The following EML6 variants were observed in gnomAD, a reference collection of about 807,000 sequenced individuals.
The protein encoded by EML6 is EMAP like 6, also known as echinoderm microtubule-associated protein-like 6.
A neutral mutation model predicts 240.1 loss-of-function variants in EML6; 154 were observed. That is an observed-to-expected ratio of 0.64 (90% CI 0.56 to 0.73). The LOEUF is 0.73. EML6 is among the 30% of genes least tolerant of loss of function. The pLI is 0.00. For synonymous variants in EML6, 1,148 were observed against 899.0 expected (o/e 1.28, Z -4.95); for missense variants, 2,964 against 2,474.6 (o/e 1.20, Z -4.20).
At chr2:54,917,346 C>CTT (rs1299363399) in intron 26 of EML6, among the ~76,000 whole-genome samples, 3 of 137,726 alleles carry the variant, frequency 2.2e-5, no homozygotes, top group Admixed American at 7.4e-5. Context: ...CTCTTCTTCC[C>CTT]TTTTTTTTTT....
At chr2:54,947,336 C>T (rs556440253) in intron 28 of EML6, among the ~76,000 whole-genome samples, 8 of 152,202 alleles carry the variant, frequency 5.3e-5, no homozygotes, top group East Asian at 3.9e-4. Context: ...AATTTGGTGG[C>T]GATGATGTCA....
At chr2:54,837,279 A>C (rs747003253) in intron 7 of EML6, among the ~76,000 whole-genome samples, 5 of 152,180 alleles carry the variant, frequency 3.3e-5, no homozygotes, top group African/African-American at 4.8e-5. Flanking sequence ...TCCACACTTG[A>C]ACTGCCTGAA....
At chr2:54,968,348 A>T in intron 40 of EML6, 67 bp downstream of exon 40, 1 of 1,430,770 alleles carries the variant, frequency 7.0e-7, no homozygotes. Flanking sequence ...GATAGGGGCC[A>T]CGTCTAGATG....
At chr2:54,808,040 C>T (rs1324503222) in intron 2 of EML6, among the ~76,000 whole-genome samples, 2 of 152,214 alleles carry the variant, frequency 1.3e-5, no homozygotes, top group African/African-American at 4.8e-5. Context: ...TAGGGACCCC[C>T]CCTGCTTAAC....
chr2:54,875,395 C>G (rs564180319), intron 16 of EML6, among the ~76,000 whole-genome samples: 4 of 152,218 alleles, frequency 2.6e-5, no homozygotes, highest in South Asian at 2.1e-4. Flanking sequence ...TCAACAGTTA[C>G]GATTTAGCTA....
At chr2:54,841,718 G>A (rs1055405917) in intron 7 of EML6, among the ~76,000 whole-genome samples, 1 of 149,830 alleles carries the variant, frequency 6.7e-6, no homozygotes, top group Non-Finnish European at 1.5e-5. Flanking sequence ...TCAGCCACCC[G>A]GGTAGCTGGG....
In EML6 at chr2:54,903,405, T is replaced by G. The variant is rs1445886649; in HGVS notation, c.3312T>G (p.Asp1104Glu). The G allele has an allele frequency of 6.4e-7, 1 of 1,551,730 alleles. No individual in the cohort carries two copies. The highest frequency in any genetic ancestry group is 1.4e-5 in the African/African-American group (1 of 73,070). Reference protein sequence around the residue: ...TGKYLAVASHDNFVDIYNVLT... With the variant: ...TGKYLAVASHENFVDIYNVLT... ...AATACCTTGCCGTGGCATCCCATGA[T>G]AACTTTGTGGATATTTACAACGTAC... The change falls in exon 24 of 42, where the codon GAT becomes GAG. Residue 1104 changes from aspartate (D) to glutamate (E), a missense_variant. Coordinates refer to ENST00000356458, the MANE Select transcript of EML6 (RefSeq NM_001039753.4).
chr2:54,903,257 A>G lies in EML6; in HGVS notation c.3277+61A>G, dbSNP rs988531146. The stretch of plus-strand genomic sequence containing the variant: ...AGTCTTGGGACAAAAAATTACAAGA[A>G]TGAACTATTTCAAATGTTTCTTTGA... On this transcript the variant is annotated intron_variant, in intron 23 of 41. Transcript: ENST00000356458. 17 of 1,524,394 alleles carry G rather than the reference A, an allele frequency of 1.1e-5. No individual in the cohort carries two copies. The Admixed American group carries it at 1.6e-4, about 15-fold the overall frequency. The allele number at this position is 1,524,394 out of a possible 1,614,324, so 94.4% of individuals were successfully genotyped here.
chr2:54,794,030 GA>G lies in EML6; in HGVS notation c.198-19201del, dbSNP rs895234846. Among the ~76,000 whole-genome samples the G allele has an allele frequency of 5.1e-4, 77 of 152,298 alleles. 1 individual carries two copies. Among genetic ancestry groups the G allele is most frequent in the African/African-American group, 1.8e-3 (73 of 41,556 alleles). ...ACCTCATCTAATAAACATGAAAACT[GA>G]CCCTTAATAAGCATTTTCCACTTTG... On this transcript the variant is annotated intron_variant, in intron 2 of 41. Transcript: ENST00000356458.
intron 2 of EML6, among the ~76,000 whole-genome samples, chr2:54,794,106 C>A (rs1440574260): frequency 6.6e-6 from 1 of 151,316 alleles, no homozygotes; most frequent in African/African-American, 2.5e-5. Context: ...TAAATCTTAT[C>A]CCAGTGAAGT....
At chr2:54,966,936 C>A in intron 38 of EML6, 64 bp from the exon 39 acceptor site, 2 of 1,083,116 alleles carry the variant, frequency 1.8e-6, no homozygotes, top group Non-Finnish European at 2.7e-6. Flanking sequence ...GGAAACTGTG[C>A]CCAAAGGGAG....
intron 2 of EML6, among the ~76,000 whole-genome samples, chr2:54,755,600 A>G (rs1273585857): frequency 1.3e-5 from 2 of 152,126 alleles, no homozygotes; most frequent in Non-Finnish European, 2.9e-5. Flanking sequence ...TTTTGATGCT[A>G]TTGCAGATGG....
rs1674664266 is a variant in EML6 at position 54,928,293 on chromosome 2, A to G, written c.3676-20A>G. The G allele has an allele frequency of 1.9e-6, 3 of 1,545,950 alleles. No homozygotes were observed. The highest frequency in any genetic ancestry group is 1.8e-6 in the Non-Finnish European group (2 of 1,141,950). ...AGGAATAACAGTGGCTGGGGTAATAACCAATTTCGGGCTTTACAGGGACAG... is the reference window on the plus strand; with the variant it reads ...AGGAATAACAGTGGCTGGGGTAATAGCCAATTTCGGGCTTTACAGGGACAG... On this transcript the variant is annotated intron_variant, in intron 26 of 41. Coordinates refer to ENST00000356458, the MANE Select transcript of EML6 (RefSeq NM_001039753.4).
chr2:54,937,319 G>A (rs545017311), intron 28 of EML6, among the ~76,000 whole-genome samples: 5 of 151,242 alleles, frequency 3.3e-5, no homozygotes, highest in Non-Finnish European at 7.4e-5. Flanking sequence ...GCATGGTGGG[G>A]CAAGCCGGTT....
chr2:54,904,930 TG>T (rs1165087011), intron 24 of EML6, among the ~76,000 whole-genome samples: 4 of 152,240 alleles, frequency 2.6e-5, no homozygotes, highest in African/African-American at 7.2e-5. Flanking sequence ...TAACTATACT[TG>T]CCACACTGGA....
At chr2:54,830,987 C>T (rs1668841224) in intron 7 of EML6, among the ~76,000 whole-genome samples, 1 of 152,198 alleles carries the variant, frequency 6.6e-6, no homozygotes, top group Admixed American at 6.5e-5. Flanking sequence ...CTTAAGTTCT[C>T]TGCCATAGAG....
chr2:54,915,773 C>T (rs1673877238), intron 25 of EML6, among the ~76,000 whole-genome samples: 1 of 152,036 alleles, frequency 6.6e-6, no homozygotes, highest in African/African-American at 2.4e-5. Flanking sequence ...GCGTGCAAAA[C>T]AGTTTCAAAT....
intron 28 of EML6, among the ~76,000 whole-genome samples, chr2:54,932,626 A>G (rs1573171225): frequency 6.6e-6 from 1 of 152,226 alleles, no homozygotes; most frequent in Non-Finnish European, 1.5e-5. Flanking sequence ...AAATATCAGA[A>G]AAGTTCCTTT....
rs1169316306 is a variant in EML6 at position 54,892,639 on chromosome 2, A to C, written c.2725A>C (p.Met909Leu). Residue 909 changes from methionine (M) to leucine (L), a missense_variant, in exon 19 of 42, where the codon ATG becomes CTG. By Grantham distance (15) the Met-to-Leu change is conservative. Transcript: ENST00000356458. ...VKAHDGPVFA[M>L]YALDKGFVTG... ...AGCTCATGATGGGCCTGTGTTTGCT[A>C]TGTATGCACTGGATAAGGTATGGCC... is the stretch of plus-strand genomic sequence containing the variant. 6.4e-7 allele frequency: 1 copy of C among 1,551,528 alleles called. No individual in the cohort carries two copies. The highest frequency in any genetic ancestry group is 8.7e-7 in the Non-Finnish European group (1 of 1,146,692).
Sources: allele counts gnomAD v4.1 joint callset (sites outside exome capture counted in the v4.1 genomes callset), GRCh38; gene constraint gnomAD v4.1.1; transcripts MANE v1.5; gene names NCBI Gene and HGNC (gene_info 2026-07-23, HGNC 2026-07-21).